SLC2A13: variants seen among roughly 807,000 people sequenced by gnomAD.
SLC2A13 encodes the protein proton myo-inositol cotransporter.
A neutral mutation model predicts 64.4 loss-of-function variants in SLC2A13; 32 were observed. The ratio of observed to expected loss-of-function variants is 0.50; its 90% CI spans 0.37 to 0.67. SLC2A13 has a LOEUF of 0.67. Among genes scored for constraint, SLC2A13 ranks in the 30% least tolerant of loss-of-function variants. The pLI is 0.00. For missense variants in SLC2A13, 743 were observed against 829.2 expected, an observed-to-expected ratio of 0.90 and a Z score of 1.28; for synonymous variants, 338 against 327.1, an observed-to-expected ratio of 1.03 and a Z score of -0.36.
intron 7 of SLC2A13, among the ~76,000 whole-genome samples, chr12:39,772,322 G>C (rs746252114): frequency 3.9e-5 from 6 of 152,156 alleles, no homozygotes; most frequent in South Asian, 2.1e-4. Context: ...TCCATATAGG[G>C]TTGTTACAAA....
intron 7 of SLC2A13, among the ~76,000 whole-genome samples, chr12:39,785,584 TGAG>T (rs1041459820): frequency 6.6e-6 from 1 of 151,934 alleles, no homozygotes; most frequent in Non-Finnish European, 1.5e-5. Context: ...GGTGGAGCTG[TGAG>T]AAGAGGGCCA....
At chr12:39,913,511 C>CA (rs71449498) in intron 4 of SLC2A13, among the ~76,000 whole-genome samples, 30,698 of 132,636 alleles carry the variant, frequency 0.23, 3,249 homozygotes, top group Non-Finnish European at 0.27. Flanking sequence ...ATTTGATTTA[C>CA]AAAAAAAAAA....
In SLC2A13 at chr12:39,757,412, T is replaced by G. The variant is rs1939997607; in HGVS notation, c.*2614A>C. 6.6e-6 allele frequency: 1 copy of G among 151,792 alleles called. No individual in the cohort carries two copies. 9.4% of individuals were successfully genotyped at this position (151,792 alleles called of 1,614,324 possible). On this transcript the variant is annotated 3_prime_UTR_variant, in exon 10 of 10. Coordinates refer to ENST00000280871, the MANE Select transcript of SLC2A13 (RefSeq NM_052885.4). ...AGTTGATAGTGGTAGCCAAATATGC[T>G]GGGAACTTAAAAGGTGCCTAATATA...
chr12:39,762,920 T>C (rs901723654), intron 9 of SLC2A13, among the ~76,000 whole-genome samples: 3 of 7,188 alleles, frequency 4.2e-4, no homozygotes, highest in African/African-American at 2.0e-3. Context: ...TGTTGCCTCA[T>C]TTTTCTCTGG....
chr12:40,002,375 A>G (rs1040031937), intron 3 of SLC2A13, among the ~76,000 whole-genome samples: 4 of 152,206 alleles, frequency 2.6e-5, no homozygotes, highest in African/African-American at 7.2e-5. Flanking sequence ...TTGACTCCAA[A>G]GTCTGTATTA....
chr12:39,924,839 C>A (rs921951449), intron 4 of SLC2A13, among the ~76,000 whole-genome samples: 7 of 151,902 alleles, frequency 4.6e-5, no homozygotes, highest in Non-Finnish European at 7.4e-5. Context: ...AAAGACCCCC[C>A]ACCCCGCCAA....
At chr12:39,968,955 C>T (rs968436051) in intron 3 of SLC2A13, among the ~76,000 whole-genome samples, 7 of 151,980 alleles carry the variant, frequency 4.6e-5, no homozygotes, top group Non-Finnish European at 7.4e-5. Flanking sequence ...CTCCTTCCCC[C>T]ACCCCACAAC....
At chr12:39,897,045 C>T (rs1043587434) in intron 4 of SLC2A13, among the ~76,000 whole-genome samples, 2 of 152,204 alleles carry the variant, frequency 1.3e-5, no homozygotes, top group South Asian at 2.1e-4. Context: ...ACCCTTAGTT[C>T]AATGCTTATT....
chr12:39,923,146 G>T (rs1210322345), intron 4 of SLC2A13, among the ~76,000 whole-genome samples: 1 of 151,746 alleles, frequency 6.6e-6, no homozygotes, highest in Non-Finnish European at 1.5e-5. Context: ...CTCAAAAATT[G>T]GAAGAAAAAA....
At chr12:40,086,690 T>G (rs1435088368) in intron 1 of SLC2A13, among the ~76,000 whole-genome samples, 1 of 152,300 alleles carries the variant, frequency 6.6e-6, no homozygotes, top group East Asian at 1.9e-4. Flanking sequence ...TTGTCTCCTA[T>G]CCACAAGCTG....
intron 4 of SLC2A13, among the ~76,000 whole-genome samples, chr12:39,902,033 T>G (rs1408453329): frequency 6.6e-6 from 1 of 152,052 alleles, no homozygotes; most frequent in Non-Finnish European, 1.5e-5. Flanking sequence ...TGAGTTCATG[T>G]CCTTTGTAGG....
At chr12:40,034,608 C>G (rs1419703439) in intron 2 of SLC2A13, among the ~76,000 whole-genome samples, 1 of 152,162 alleles carries the variant, frequency 6.6e-6, no homozygotes, top group Non-Finnish European at 1.5e-5. Context: ...ATTAACAAAT[C>G]ATGTCCATGT....
chr12:39,896,990 G>A (rs192231454), intron 4 of SLC2A13, among the ~76,000 whole-genome samples: 98 of 152,206 alleles, frequency 6.4e-4, no homozygotes, highest in Non-Finnish European at 1.4e-3. Context: ...GAGGTGAGGG[G>A]TTTAGTAAAA....
chr12:39,786,294 T>C (rs987040431), intron 7 of SLC2A13, among the ~76,000 whole-genome samples: 2 of 151,940 alleles, frequency 1.3e-5, no homozygotes, highest in Non-Finnish European at 2.9e-5. Flanking sequence ...GATCTGATGG[T>C]TTTATCAGGG....
chr12:39,917,896 A>T (rs1169296116), intron 4 of SLC2A13, among the ~76,000 whole-genome samples: 1 of 151,944 alleles, frequency 6.6e-6, no homozygotes, highest in African/African-American at 2.4e-5. Context: ...TATTTCTATT[A>T]TTCAGTTTAT....
rs377051297 is a variant in SLC2A13, at chr12:39,856,743, G to A, written c.1319+8019C>T. Among the ~76,000 whole-genome samples, 36 of 152,312 alleles carry A rather than the reference G, an allele frequency of 2.4e-4. No individual in the cohort carries two copies. In the South Asian group the frequency reaches 5.6e-3, roughly 24 times the overall value. ...TTCCTACTATTCAGACAAGGAACACGTAGCAAGGTTATGTAACGTGCTTTT... is the reference window on the plus strand; with the variant it reads ...TTCCTACTATTCAGACAAGGAACACATAGCAAGGTTATGTAACGTGCTTTT... On this transcript the variant is annotated intron_variant, in intron 6 of 9. Transcript: ENST00000280871.
chr12:39,923,694 G>GCACACACACACACACACACACA, intron 4 of SLC2A13, among the ~76,000 whole-genome samples: 1 of 137,330 alleles, frequency 7.3e-6, no homozygotes, highest in South Asian at 2.4e-4. Context: ...ATATGCGCAC[G>GCACACACACACACACACACACA]CGCACACACA....
At chr12:39,817,061 A>T (rs1031253329) in intron 7 of SLC2A13, among the ~76,000 whole-genome samples, 2 of 152,192 alleles carry the variant, frequency 1.3e-5, no homozygotes, top group Non-Finnish European at 2.9e-5. Flanking sequence ...GTAGGTGGTG[A>T]GTGACTGTAT....
At chr12:40,022,895 C>CA (rs996643948) in intron 3 of SLC2A13, among the ~76,000 whole-genome samples, 15 of 151,908 alleles carry the variant, frequency 9.9e-5, no homozygotes, top group South Asian at 8.3e-4. Flanking sequence ...CCTCCCCCCC[C>CA]AAAAAAAGCC....
Sources: allele counts gnomAD v4.1 joint callset (sites outside exome capture counted in the v4.1 genomes callset), GRCh38; gene constraint gnomAD v4.1.1; transcripts MANE v1.5; gene names NCBI Gene and HGNC (gene_info 2026-07-23, HGNC 2026-07-21).